NRCAM: variants seen among roughly 807,000 people sequenced by gnomAD.
NRCAM encodes the protein NgCAM-related cell adhesion molecule.
NRCAM carries 83 observed loss-of-function variants against 156.5 expected under a neutral mutation model. The observed-to-expected ratio is 0.53, with a 90% CI of 0.44 to 0.64. NRCAM has a LOEUF of 0.64. Ranked by LOEUF, NRCAM falls within the 30% of genes least tolerant of loss-of-function variation. The pLI is 0.00. For synonymous variants in NRCAM, 538 were observed against 563.9 expected (o/e 0.95, Z 0.65); for missense variants, 1,417 against 1,597.3 (o/e 0.89, Z 1.92).
chr7:108,242,604 A>G, intron 3 of NRCAM, among the ~76,000 whole-genome samples: 1 of 152,236 alleles, frequency 6.6e-6, no homozygotes. Flanking sequence ...AACGTCACAA[A>G]TAGCATTGAA....
intron 3 of NRCAM, 134 bp downstream of exon 3, chr7:108,312,529 ACT>A (rs1476530582): frequency 1.3e-5 from 2 of 152,052 alleles, no homozygotes; most frequent in Admixed American, 6.6e-5. Flanking sequence ...CTATGTTTCT[ACT>A]CTCTGTCTTT....
intron 32 of NRCAM, chr7:108,150,602 AT>A (rs990087413): frequency 7.7e-4 from 335 of 433,226 alleles, no homozygotes; most frequent in East Asian, 1.2e-3. Flanking sequence ...TGAAATGTGG[AT>A]TTTTTTTTTC....
chr7:108,260,631 G>T (rs1335304709), intron 3 of NRCAM, among the ~76,000 whole-genome samples: 4 of 152,138 alleles, frequency 2.6e-5, no homozygotes, highest in Admixed American at 1.3e-4. Context: ...TGCTCCTCTG[G>T]ATTGTGCATT....
chr7:108,217,058 A>C (rs2089532560), intron 11 of NRCAM, among the ~76,000 whole-genome samples: 1 of 133,148 alleles, frequency 7.5e-6, no homozygotes, highest in African/African-American at 2.5e-5. Flanking sequence ...GGATTTATCT[A>C]CCTTTGGTCT....
At chr7:108,366,129 C>A (rs1380025864) in intron 2 of NRCAM, among the ~76,000 whole-genome samples, 1 of 152,208 alleles carries the variant, frequency 6.6e-6, no homozygotes, top group Non-Finnish European at 1.5e-5. Flanking sequence ...GTAACCCTCA[C>A]CAGTCACTGA....
At chr7:108,219,604 C>T (rs1194314949) in intron 11 of NRCAM, among the ~76,000 whole-genome samples, 5 of 152,080 alleles carry the variant, frequency 3.3e-5, no homozygotes, top group African/African-American at 7.2e-5. Context: ...AAAAATCGCA[C>T]GATCATCTCA....
chr7:108,380,257 G>A (rs1346499818), intron 2 of NRCAM, among the ~76,000 whole-genome samples: 1 of 151,970 alleles, frequency 6.6e-6, no homozygotes, highest in Non-Finnish European at 1.5e-5. Flanking sequence ...ATTATATGAG[G>A]TTTAAAAATA....
intron 27 of NRCAM, 43 bp from the exon 28 acceptor site, chr7:108,175,400 T>C (rs2060091723): frequency 6.7e-7 from 1 of 1,501,294 alleles, no homozygotes; most frequent in Non-Finnish European, 9.1e-7. Context: ...TATAGTTAGA[T>C]GTAACACACC....
intron 1 of NRCAM, among the ~76,000 whole-genome samples, chr7:108,443,621 T>C (rs1315721380): frequency 6.6e-6 from 1 of 152,220 alleles, no homozygotes; most frequent in African/African-American, 2.4e-5. Context: ...TTGGCACCTG[T>C]AGAGACTTAA....
At chr7:108,412,872 A>T (rs1423824607) in intron 1 of NRCAM, among the ~76,000 whole-genome samples, 1 of 152,192 alleles carries the variant, frequency 6.6e-6, no homozygotes, top group Non-Finnish European at 1.5e-5. Flanking sequence ...CGTGAATGAC[A>T]GGATCTTATT....
chr7:108,357,855 G>A (rs1272553880), intron 2 of NRCAM, among the ~76,000 whole-genome samples: 1 of 152,130 alleles, frequency 6.6e-6, no homozygotes, highest in East Asian at 1.9e-4. Context: ...TGCTAAGGTG[G>A]TCTATTTGGA....
intron 3 of NRCAM, among the ~76,000 whole-genome samples, chr7:108,288,668 T>C (rs1182340708): frequency 2.6e-5 from 4 of 152,116 alleles, no homozygotes; most frequent in Non-Finnish European, 5.9e-5. Context: ...TAAGAACCTG[T>C]CCCACTTCTA....
chr7:108,336,187 T>C (rs999377948), intron 2 of NRCAM, among the ~76,000 whole-genome samples: 4 of 152,322 alleles, frequency 2.6e-5, no homozygotes, highest in East Asian at 3.9e-4. Flanking sequence ...TTTACATAAC[T>C]GAGGCAGGCA....
chr7:108,375,164 C>G (rs1000621740), intron 2 of NRCAM, among the ~76,000 whole-genome samples: 1 of 152,086 alleles, frequency 6.6e-6, no homozygotes, highest in Admixed American at 6.6e-5. Context: ...GCACATATAG[C>G]TATATATGTG....
intron 2 of NRCAM, among the ~76,000 whole-genome samples, chr7:108,319,877 G>A (rs1465536471): frequency 1.3e-5 from 2 of 152,180 alleles, no homozygotes; most frequent in African/African-American, 4.8e-5. Flanking sequence ...TTGGAGCCCT[G>A]TAGTTCTTTC....
At chr7:108,314,134 A>G (rs906068060) in intron 2 of NRCAM, among the ~76,000 whole-genome samples, 1 of 152,192 alleles carries the variant, frequency 6.6e-6, no homozygotes, top group Non-Finnish European at 1.5e-5. Flanking sequence ...TTGCTTATAT[A>G]TATTATTGAT....
At chr7:108,206,648 C>T (rs1411508515) in intron 13 of NRCAM, among the ~76,000 whole-genome samples, 1 of 152,106 alleles carries the variant, frequency 6.6e-6, no homozygotes, top group Non-Finnish European at 1.5e-5. Flanking sequence ...TGTTCATGGC[C>T]ATGGCTTAGG....
intron 1 of NRCAM, among the ~76,000 whole-genome samples, chr7:108,450,841 C>T (rs1028370315): frequency 6.6e-6 from 1 of 152,142 alleles, no homozygotes; most frequent in Admixed American, 6.5e-5. Flanking sequence ...CCATATACCT[C>T]CATATTAATA....
intron 3 of NRCAM, among the ~76,000 whole-genome samples, chr7:108,258,504 A>G (rs1352998589): frequency 6.6e-6 from 1 of 152,202 alleles, no homozygotes; most frequent in African/African-American, 2.4e-5. Flanking sequence ...AAGGACATGA[A>G]GCCCAAATTT....
Sources: gnomAD v4.1 joint callset for allele counts (sites outside exome capture counted in the v4.1 genomes callset) on GRCh38, gnomAD v4.1.1 for gene constraint, MANE v1.5 for transcripts, NCBI Gene and HGNC (gene_info 2026-07-23, HGNC 2026-07-21) for gene names.